Variants in THNSL1 observed in about 807,000 individuals in gnomAD.
THNSL1 encodes threonine synthase-like 1.
In THNSL1, 48 loss-of-function variants were observed where a neutral mutation model predicts 50.4. The observed-to-expected ratio is 0.95, with a 90% CI of 0.76 to 1.21. THNSL1 has a LOEUF of 1.21. THNSL1 is among the 50% of genes most tolerant of loss of function. The pLI is 0.00. For missense variants in THNSL1, 896 were observed against 871.7 expected (o/e 1.03, Z -0.35); for synonymous variants, 309 against 306.1 (o/e 1.01, Z -0.10).
Position 25,024,624 on chromosome 10 carries a change from G to A in THNSL1, c.1401G>A (p.Ser467=), listed in dbSNP as rs759747249. ...LTVEYGTILS[S]ANSINWGRLL... ...TGGAATATGGAACAATCTTAAGTTC[G>A]GCTAACTCCATAAACTGGGGCCGAC... Residue 467 remains serine (S), a synonymous_variant, in exon 3 of 3, where the codon TCG becomes TCA. Coordinates refer to ENST00000376356, the MANE Select transcript of THNSL1 (RefSeq NM_024838.5). 13 of 1,614,126 alleles carry A rather than the reference G, an allele frequency of 8.1e-6. No individual in the cohort carries two copies. Among genetic ancestry groups the A allele is most frequent in the South Asian group, 6.6e-5 (6 of 91,072 alleles).
chr10:24,970,681 C>T, the THNSL1 span, among the ~76,000 whole-genome samples: 1 of 151,774 alleles, frequency 6.6e-6, no homozygotes, highest in Non-Finnish European at 1.5e-5. Flanking sequence ...CCACTGCACT[C>T]CAGCCTGGGT....
chr10:25,024,161 T>G lies in THNSL1; in HGVS notation c.938T>G (p.Met313Arg), dbSNP rs749455650. ...ADIPAARLGE[M>R]IETAYGENFA... ...ATACCTGCTGCCAGGTTGGGAGAAA[T>G]GATTGAAACTGCTTATGGGGAAAAC... Residue 313 changes from methionine (M) to arginine (R), a missense_variant, in exon 3 of 3, where the codon ATG (methionine) becomes AGG (arginine). Physicochemically the swap from Met to Arg is moderately conservative, Grantham distance 91. Coordinates refer to ENST00000376356, the MANE Select transcript of THNSL1 (RefSeq NM_024838.5). 2.5e-6 allele frequency: 4 copies of G among 1,614,000 alleles called. No homozygotes were observed. In the Admixed American group the frequency reaches 5.0e-5, roughly 20 times the overall value.
chr10:24,976,558 TG>T, the THNSL1 span, among the ~76,000 whole-genome samples: 1 of 152,218 alleles, frequency 6.6e-6, no homozygotes, highest in East Asian at 1.9e-4. Context: ...GGCATGGTCT[TG>T]GCTCACTGCA....
At chr10:24,988,919 C>T in the THNSL1 span, among the ~76,000 whole-genome samples, 1 of 151,612 alleles carries the variant, frequency 6.6e-6, no homozygotes. Flanking sequence ...AGGAGGCCAG[C>T]CGGTGGCTTT....
At chr10:24,966,081 C>G in the THNSL1 span, among the ~76,000 whole-genome samples, 2 of 152,210 alleles carry the variant, frequency 1.3e-5, no homozygotes, top group Non-Finnish European at 2.9e-5. Flanking sequence ...AGAGGATGCC[C>G]TTAAGAATAC....
chr10:24,991,319 A>G, the THNSL1 span, among the ~76,000 whole-genome samples: 1 of 152,054 alleles, frequency 6.6e-6, no homozygotes. Flanking sequence ...AATATCTTGA[A>G]TATTTTGAAG....
chr10:25,020,075 A>G (rs1850686575), intron 1 of THNSL1, among the ~76,000 whole-genome samples: 1 of 152,140 alleles, frequency 6.6e-6, no homozygotes, highest in Non-Finnish European at 1.5e-5. Flanking sequence ...ATGTTACAAA[A>G]TAAAATTTAG....
chr10:24,978,739 G>A, the THNSL1 span, among the ~76,000 whole-genome samples: 1 of 152,106 alleles, frequency 6.6e-6, no homozygotes, highest in South Asian at 2.1e-4. Context: ...TTCTGTATCC[G>A]CCAGCGCTTT....
upstream of THNSL1, among the ~76,000 whole-genome samples, chr10:25,012,411 C>G (rs970021575): frequency 1.3e-5 from 2 of 152,198 alleles, no homozygotes; most frequent in African/African-American, 4.8e-5. Flanking sequence ...CCCAGAAAAG[C>G]TGCAGACACT....
chr10:24,995,745 T>G, the THNSL1 span: 1 of 1,614,078 alleles, frequency 6.2e-7, no homozygotes, highest in Non-Finnish European at 8.5e-7. Flanking sequence ...TTTTAGCCAC[T>G]CCCATGATGA....
upstream of THNSL1, among the ~76,000 whole-genome samples, chr10:25,011,768 G>A (rs551092631): frequency 1.3e-5 from 2 of 152,230 alleles, no homozygotes; most frequent in African/African-American, 4.8e-5. Context: ...GAGCATAAAA[G>A]TTCAGAAAAT....
At position 25,025,494 on chromosome 10, in the gene THNSL1, T is replaced by C. The variant is rs1273019357; in HGVS notation, c.*39T>C. 6.5e-7 allele frequency: 1 copy of C among 1,545,188 alleles called. No homozygotes were observed. The highest frequency in any genetic ancestry group is 2.0e-5 in the Admixed American group (1 of 48,996). ...AAATTTTTTTTTCTAGCTATAAGCA[T>C]GCAATAATAAATCTCAAACACTGAT... On this transcript the variant is annotated 3_prime_UTR_variant, in exon 3 of 3. Coordinates refer to ENST00000376356, the MANE Select transcript of THNSL1 (RefSeq NM_024838.5).
chr10:25,025,156 G>GT lies in THNSL1; in HGVS notation c.1935dup (p.Ala646CysfsTer7). On this transcript the variant is annotated frameshift_variant, in exon 3 of 3. Transcript: ENST00000376356. LOFTEE classifies it high-confidence loss of function. ...GTATATTTTGGATCCACACACTGCT[G>GT]TTGCAAAAGTGGTTGCAGATAGGGT... The GT allele has an allele frequency of 1.2e-6, 2 of 1,614,220 alleles. No individual in the cohort carries two copies. Among genetic ancestry groups the GT allele is most frequent in the Non-Finnish European group, 1.7e-6 (2 of 1,180,042 alleles).
the THNSL1 span, among the ~76,000 whole-genome samples, chr10:24,991,875 T>C: frequency 6.6e-6 from 1 of 152,198 alleles, no homozygotes; most frequent in East Asian, 1.9e-4. Flanking sequence ...CCACTGCGGC[T>C]TCAGGAGCTG....
chr10:24,990,942 A>C, the THNSL1 span, among the ~76,000 whole-genome samples: 1 of 152,188 alleles, frequency 6.6e-6, no homozygotes, highest in African/African-American at 2.4e-5. Context: ...TCTACTAAAA[A>C]TACAGAAATT....
At chr10:25,019,604 A>G (rs190362757) in intron 1 of THNSL1, among the ~76,000 whole-genome samples, 4 of 152,378 alleles carry the variant, frequency 2.6e-5, no homozygotes, top group African/African-American at 7.2e-5. Context: ...AGATTAAGGT[A>G]TACAGGAGGA....
chr10:24,972,645 T>A, the THNSL1 span, among the ~76,000 whole-genome samples: 6 of 152,118 alleles, frequency 3.9e-5, no homozygotes, highest in African/African-American at 1.4e-4. Context: ...GAAGTGATTG[T>A]CTTAGGAGGA....
At chr10:25,018,154 C>T (rs911178355) in intron 1 of THNSL1, among the ~76,000 whole-genome samples, 5 of 152,206 alleles carry the variant, frequency 3.3e-5, no homozygotes, top group African/African-American at 4.8e-5. Context: ...CAAGACCTCA[C>T]TGTGGTATAG....
chr10:24,990,377 G>A, the THNSL1 span: 37 of 1,482,376 alleles, frequency 2.5e-5, no homozygotes, highest in Admixed American at 7.7e-4. Context: ...TCCAAGTGCT[G>A]ACTTTAATCA....
Sources: gnomAD v4.1 joint callset for allele counts (sites outside exome capture counted in the v4.1 genomes callset) on GRCh38, gnomAD v4.1.1 for gene constraint, MANE v1.5 for transcripts, NCBI Gene and HGNC (gene_info 2026-07-23, HGNC 2026-07-21) for gene names.